ERBB4: variants seen among roughly 807,000 people sequenced by gnomAD.
ERBB4 encodes the protein erb-b2 receptor tyrosine kinase 4.
Under a neutral mutation model 158.0 loss-of-function variants are expected in ERBB4, and 42 were observed. That is an observed-to-expected ratio of 0.27 (90% CI 0.21 to 0.34). The LOEUF (loss-of-function observed/expected upper bound fraction) is 0.34. Ranked by LOEUF, ERBB4 falls within the 10% of genes least tolerant of loss-of-function variation. The probability of loss-of-function intolerance (pLI) is 1.00; values close to 1 mark genes in which losing one functional copy is unlikely to be tolerated. For missense variants in ERBB4, 1,333 were observed against 1,624.1 expected (o/e 0.82, Z 3.08); for synonymous variants, 583 against 558.7 (o/e 1.04, Z -0.61).
chr2:212,430,764 A>G (rs2092010447), intron 1 of ERBB4, among the ~76,000 whole-genome samples: 1 of 152,110 alleles, frequency 6.6e-6, no homozygotes, highest in African/African-American at 2.4e-5. Flanking sequence ...CATTGAGTAC[A>G]GAGTTATTTT....
intron 12 of ERBB4, among the ~76,000 whole-genome samples, 173 bp downstream of exon 12, chr2:211,701,794 T>C (rs1302262469): frequency 6.7e-6 from 1 of 149,908 alleles, no homozygotes; most frequent in African/African-American, 2.5e-5. Flanking sequence ...AGAAAGTCAC[T>C]TATTCTGATT....
intron 20 of ERBB4, among the ~76,000 whole-genome samples, chr2:211,460,707 G>T (rs997579595): frequency 6.6e-6 from 1 of 151,930 alleles, no homozygotes; most frequent in Non-Finnish European, 1.5e-5. Flanking sequence ...CTATGTAATT[G>T]ATACAATTCA....
At chr2:211,766,541 T>C (rs1445197300) in intron 4 of ERBB4, among the ~76,000 whole-genome samples, 1 of 152,226 alleles carries the variant, frequency 6.6e-6, no homozygotes, top group East Asian at 1.9e-4. Context: ...TTTCTAGTTT[T>C]CAAGTGATGA....
Position 211,383,726 on chromosome 2 carries a change from C to A in ERBB4, c.3816G>T (p.Gly1272=), listed in dbSNP as rs1193503311. Residue 1272 remains glycine, a synonymous_variant, in exon 28 of 28, where the codon GGG becomes GGT. Coordinates refer to ENST00000342788, the MANE Select transcript of ERBB4 (RefSeq NM_005235.3). The part of the protein sequence containing the change: ...YSTKYFYKQN[G]RIRPIVAENP... ...TCTCTGCCACAATAGGCCGGATCCGCCCATTCTGTTTATAAAAATATTTTG... is the reference window on the plus strand; with the variant it reads ...TCTCTGCCACAATAGGCCGGATCCGACCATTCTGTTTATAAAAATATTTTG... The A allele has an allele frequency of 6.2e-7, 1 of 1,614,042 alleles. No individual in the cohort carries two copies. The highest frequency in any genetic ancestry group is 1.7e-5 in the Admixed American group (1 of 60,000).
chr2:212,352,469 C>A (rs73074248), intron 1 of ERBB4, among the ~76,000 whole-genome samples: 3,239 of 152,052 alleles, frequency 0.021, 121 homozygotes, highest in African/African-American at 0.074. Context: ...GTTTATCAAG[C>A]TAGTTGAAAT....
At chr2:212,074,405 A>G (rs986281930) in intron 2 of ERBB4, among the ~76,000 whole-genome samples, 3 of 152,042 alleles carry the variant, frequency 2.0e-5, no homozygotes, top group Admixed American at 6.6e-5. Context: ...AGAATAAATC[A>G]TAGCACATCA....
At chr2:211,933,706 C>T (rs2080237098) in intron 3 of ERBB4, among the ~76,000 whole-genome samples, 1 of 151,912 alleles carries the variant, frequency 6.6e-6, no homozygotes, top group Non-Finnish European at 1.5e-5. Context: ...AAGAAAAACC[C>T]TCATCTTAAG....
chr2:212,086,366 A>G (rs2078610899), intron 2 of ERBB4, among the ~76,000 whole-genome samples: 2 of 151,536 alleles, frequency 1.3e-5, no homozygotes, highest in South Asian at 4.2e-4. Context: ...ACCAAAAAAA[A>G]AAAAAGAAAA....
chr2:212,358,137 A>G (rs988552861), intron 1 of ERBB4, among the ~76,000 whole-genome samples: 5 of 151,828 alleles, frequency 3.3e-5, no homozygotes, highest in Non-Finnish European at 7.4e-5. Context: ...ACGGATACCA[A>G]TTTTCTCATA....
At chr2:211,610,734 A>G (rs2069162909) in intron 19 of ERBB4, among the ~76,000 whole-genome samples, 1 of 152,178 alleles carries the variant, frequency 6.6e-6, no homozygotes. Context: ...AATACCTACA[A>G]TATGGAAAAC....
Position 211,462,246 on chromosome 2 carries a change from TA to T in ERBB4, c.2488-31147del, listed in dbSNP as rs1289283225. On this transcript the variant is annotated intron_variant, in intron 20 of 27. Transcript: ENST00000342788. ...CACACTTTTAAACAATCAGATCTCATAACTCACACACTATCATGAGCAGCAC... is the reference window on the plus strand; with the variant it reads ...CACACTTTTAAACAATCAGATCTCATACTCACACACTATCATGAGCAGCAC... 2.1e-4 allele frequency among the ~76,000 whole-genome samples: 32 copies of T among 152,122 alleles called. 1 individual carries two copies. Among genetic ancestry groups the T allele is most frequent in the African/African-American group, 7.2e-4 (30 of 41,492 alleles).
At chr2:211,541,689 T>C (rs1172698830) in intron 20 of ERBB4, among the ~76,000 whole-genome samples, 5 of 152,038 alleles carry the variant, frequency 3.3e-5, no homozygotes, top group Admixed American at 2.0e-4. Flanking sequence ...TTTCCACTCA[T>C]GGGTATTTTT....
intron 3 of ERBB4, among the ~76,000 whole-genome samples, chr2:211,903,445 T>A (rs906968057): frequency 6.6e-6 from 1 of 152,038 alleles, no homozygotes; most frequent in Non-Finnish European, 1.5e-5. Flanking sequence ...ATGAACAAGT[T>A]GCAACAGAAA....
intron 16 of ERBB4, among the ~76,000 whole-genome samples, chr2:211,632,101 C>T (rs2070160780): frequency 6.6e-6 from 1 of 151,854 alleles, no homozygotes; most frequent in African/African-American, 2.4e-5. Context: ...GGTAGTTCAT[C>T]CTAAAGGTTG....
At chr2:211,939,223 T>C (rs1295993981) in intron 3 of ERBB4, among the ~76,000 whole-genome samples, 6 of 152,158 alleles carry the variant, frequency 3.9e-5, no homozygotes, top group African/African-American at 1.4e-4. Flanking sequence ...GAAGAAATTG[T>C]CTTAAACAAT....
At chr2:211,417,798 A>T (rs908681814) in intron 25 of ERBB4, among the ~76,000 whole-genome samples, 8 of 152,192 alleles carry the variant, frequency 5.3e-5, no homozygotes, top group Non-Finnish European at 7.4e-5. Context: ...GCACCTTATA[A>T]GAAAGTGTGA....
At chr2:211,589,693 C>T (rs928516191) in intron 19 of ERBB4, among the ~76,000 whole-genome samples, 1 of 151,956 alleles carries the variant, frequency 6.6e-6, no homozygotes, top group South Asian at 2.1e-4. Flanking sequence ...TGATGTCAGT[C>T]AAAAATTTGA....
intron 1 of ERBB4, among the ~76,000 whole-genome samples, chr2:212,291,945 T>TA (rs1312867028): frequency 6.6e-6 from 1 of 152,020 alleles, no homozygotes; most frequent in African/African-American, 2.4e-5. Context: ...TGTGGACTGT[T>TA]ACAATTAATC....
At chr2:211,512,733 G>T (rs1012376274) in intron 20 of ERBB4, among the ~76,000 whole-genome samples, 9 of 151,954 alleles carry the variant, frequency 5.9e-5, no homozygotes, top group Non-Finnish European at 1.2e-4. Context: ...AGGGCATATT[G>T]TTCTTGGTAA....
Sources: allele counts gnomAD v4.1 joint callset (sites outside exome capture counted in the v4.1 genomes callset), GRCh38; gene constraint gnomAD v4.1.1; transcripts MANE v1.5; gene names NCBI Gene and HGNC (gene_info 2026-07-23, HGNC 2026-07-21).